NR3C2: variants seen among roughly 807,000 people sequenced by gnomAD.
NR3C2 encodes the protein mineralocorticoid receptor.
Under a neutral mutation model 86.4 loss-of-function variants are expected in NR3C2, and 15 were observed. That is an observed-to-expected ratio of 0.17 (90% CI 0.12 to 0.27). The LOEUF (loss-of-function observed/expected upper bound fraction) is 0.27. Among genes scored for constraint, NR3C2 ranks in the 10% least tolerant of loss-of-function variants. The pLI, the probability that NR3C2 is intolerant of heterozygous loss-of-function variation, is 1.00. For synonymous variants in NR3C2, 458 were observed against 450.5 expected (o/e 1.02, Z -0.21); for missense variants, 960 against 1,195.6 (o/e 0.80, Z 2.91).
At chr4:148,207,471 A>C (rs1308222269) in intron 3 of NR3C2, among the ~76,000 whole-genome samples, 2 of 152,182 alleles carry the variant, frequency 1.3e-5, no homozygotes, top group Non-Finnish European at 2.9e-5. Flanking sequence ...CATTTGGCTA[A>C]ATTTGTTTAA....
chr4:148,349,271 T>C (rs535079362), intron 2 of NR3C2, among the ~76,000 whole-genome samples: 11 of 152,134 alleles, frequency 7.2e-5, no homozygotes, highest in Non-Finnish European at 1.5e-4. Flanking sequence ...ATTTCTGGTA[T>C]TAAAAGCATC....
intron 6 of NR3C2, among the ~76,000 whole-genome samples, chr4:148,144,229 G>A (rs1733758370): frequency 6.6e-6 from 1 of 152,046 alleles, no homozygotes; most frequent in Non-Finnish European, 1.5e-5. Context: ...TTTTGAGACA[G>A]GGTCTTGCTC....
rs528303326 is a variant in NR3C2 at position 148,429,896 on chromosome 4, G to C, written c.1757+5208C>G. On this transcript the variant is annotated intron_variant, in intron 2 of 8. Coordinates refer to ENST00000358102, the MANE Select transcript of NR3C2 (RefSeq NM_000901.5). ...AAATGATATATTATTTAGCAGTGGGGGTATATTTTTATCAGCAAATGAACA... is the reference window on the plus strand; with the variant it reads ...AAATGATATATTATTTAGCAGTGGGCGTATATTTTTATCAGCAAATGAACA... Among the ~76,000 whole-genome samples the C allele has an allele frequency of 3.9e-5, 6 of 152,104 alleles. No individual in the cohort carries two copies. The South Asian group carries it at 1.2e-3, about 32-fold the overall frequency.
chr4:148,205,017 TAG>T (rs1320706016), intron 3 of NR3C2, among the ~76,000 whole-genome samples: 1 of 152,204 alleles, frequency 6.6e-6, no homozygotes, highest in Non-Finnish European at 1.5e-5. Flanking sequence ...GAGGCCAGGA[TAG>T]AGAGAAGGGA....
rs1453693535 is a variant in NR3C2 at position 148,323,666 on chromosome 4, C to A, written c.1758-63549G>T. 3.3e-5 allele frequency among the ~76,000 whole-genome samples: 5 copies of A among 152,242 alleles called. No homozygotes were observed. The South Asian group carries it at 6.2e-4, about 19-fold the overall frequency. The stretch of plus-strand genomic sequence containing the variant: ...TCCAGAAGCCGTCAGTCACCCCTTT[C>A]TTTGACTCGGAAAGGGAACTCCCTG... On this transcript the variant is annotated intron_variant, in intron 2 of 8. Coordinates refer to ENST00000358102, the MANE Select transcript of NR3C2 (RefSeq NM_000901.5).
chr4:148,406,527 T>C (rs1748435764), intron 2 of NR3C2, among the ~76,000 whole-genome samples: 1 of 152,060 alleles, frequency 6.6e-6, no homozygotes, highest in African/African-American at 2.4e-5. Flanking sequence ...TACATACTGC[T>C]GGAAAACCTG....
intron 6 of NR3C2, among the ~76,000 whole-genome samples, chr4:148,129,840 C>A (rs574558246): frequency 1.3e-5 from 2 of 152,118 alleles, no homozygotes; most frequent in Non-Finnish European, 2.9e-5. Context: ...AGGTGATCTG[C>A]CCCCCGCTTC....
chr4:148,350,737 T>C (rs2149992244), intron 2 of NR3C2, among the ~76,000 whole-genome samples: 1 of 152,284 alleles, frequency 6.6e-6, no homozygotes, highest in African/African-American at 2.4e-5. Context: ...ACAGAGCCCT[T>C]AGTGGCTGGC....
At chr4:148,251,196 T>C (rs1374579105) in intron 3 of NR3C2, among the ~76,000 whole-genome samples, 1 of 152,078 alleles carries the variant, frequency 6.6e-6, no homozygotes, top group Non-Finnish European at 1.5e-5. Context: ...TGAGCTCTAA[T>C]AATCCACCCG....
At chr4:148,136,014 G>T (rs1189634998) in intron 6 of NR3C2, among the ~76,000 whole-genome samples, 2 of 103,716 alleles carry the variant, frequency 1.9e-5, no homozygotes, top group Non-Finnish European at 3.7e-5. Flanking sequence ...CCGAGATCCC[G>T]CCACTGCACT....
intron 2 of NR3C2, among the ~76,000 whole-genome samples, chr4:148,333,833 G>A (rs13117325): frequency 0.29 from 43,773 of 152,034 alleles, 7,572 homozygotes; most frequent in East Asian, 0.58. Flanking sequence ...GAATAAAAAA[G>A]CTGGAATTAG....
chr4:148,275,851 C>A (rs977716814), intron 2 of NR3C2, among the ~76,000 whole-genome samples: 2 of 151,918 alleles, frequency 1.3e-5, no homozygotes, highest in Non-Finnish European at 2.9e-5. Flanking sequence ...GGACATCAAG[C>A]GATTTTGAAG....
chr4:148,267,835 CT>C (rs1420734549), intron 2 of NR3C2, among the ~76,000 whole-genome samples: 1 of 152,052 alleles, frequency 6.6e-6, no homozygotes, highest in Non-Finnish European at 1.5e-5. Flanking sequence ...CCTTTAACAA[CT>C]GTTTTACTGA....
intron 6 of NR3C2, among the ~76,000 whole-genome samples, chr4:148,139,382 T>C (rs1027138849): frequency 6.6e-6 from 1 of 152,136 alleles, no homozygotes; most frequent in Admixed American, 6.5e-5. Context: ...GTATTGGAGA[T>C]AGTATTTAGC....
intron 3 of NR3C2, among the ~76,000 whole-genome samples, chr4:148,215,285 A>C (rs1277332435): frequency 6.6e-6 from 1 of 152,182 alleles, no homozygotes; most frequent in Non-Finnish European, 1.5e-5. Flanking sequence ...AAAAACATTA[A>C]AATTGACACT....
Position 148,266,351 on chromosome 4 carries a change from G to A in NR3C2, c.1758-6234C>T, listed in dbSNP as rs141855250. ...CTCCCAACGTGTTGGGATTACAGGC[G>A]TGAGCCACTGCACCCGGCCCAGAAG... On this transcript the variant is annotated intron_variant, in intron 2 of 8. Transcript: ENST00000358102. Among the ~76,000 whole-genome samples, 779 of 152,184 alleles carry A rather than the reference G, an allele frequency of 5.1e-3. 7 individuals carry two copies. Among genetic ancestry groups the A allele is most frequent in the Non-Finnish European group, 8.7e-3 (592 of 68,002 alleles).
In NR3C2 at chr4:148,435,210, G is replaced by C. The variant is rs72645625; in HGVS notation, c.1651C>G (p.Pro551Ala). The change falls in exon 2 of 9, where the codon CCT becomes GCT. Residue 551 changes from proline to alanine, a missense_variant. Coordinates refer to ENST00000358102, the MANE Select transcript of NR3C2 (RefSeq NM_000901.5). ...DQSFQHLSSFPPVNTLVESWK... is the reference protein window; with the variant it reads ...DQSFQHLSSFAPVNTLVESWK... ...GACTCCACTAAAGTATTGACAGGAG[G>C]AAAGGAACTCAGGTGTTGGAAAGAT... The C allele has an allele frequency of 6.2e-7, 1 of 1,614,164 alleles. No individual in the cohort carries two copies. The highest frequency in any genetic ancestry group is 8.5e-7 in the Non-Finnish European group (1 of 1,180,022).
intron 2 of NR3C2, among the ~76,000 whole-genome samples, chr4:148,357,617 T>C (rs1001764085): frequency 1.3e-5 from 2 of 152,180 alleles, no homozygotes; most frequent in South Asian, 4.1e-4. Context: ...TAGAAGAATC[T>C]AGGAAAATAC....
intron 2 of NR3C2, among the ~76,000 whole-genome samples, chr4:148,395,973 C>T (rs768793493): frequency 6.6e-6 from 1 of 152,222 alleles, no homozygotes; most frequent in Non-Finnish European, 1.5e-5. Context: ...TGGGACAAGG[C>T]ATTCCACTAT....
Sources: allele counts gnomAD v4.1 joint callset (sites outside exome capture counted in the v4.1 genomes callset), GRCh38; gene constraint gnomAD v4.1.1; transcripts MANE v1.5; gene names NCBI Gene and HGNC (gene_info 2026-07-23, HGNC 2026-07-21).